The following TRPM4 variants were observed in gnomAD, a reference collection of about 807,000 sequenced individuals.
TRPM4 encodes the protein calcium-activated non-selective cation channel 1.
TRPM4 carries 124 observed loss-of-function variants against 135.6 expected under a neutral mutation model. The ratio of observed to expected loss-of-function variants is 0.91; its 90% CI spans 0.79 to 1.06. The LOEUF is 1.06. Ranked by LOEUF, TRPM4 falls within the 50% of genes least tolerant of loss-of-function variation. The pLI is 0.00. For synonymous variants in TRPM4, 745 were observed against 705.6 expected, an observed-to-expected ratio of 1.06 and a Z score of -0.88; for missense variants, 1,658 against 1,671.4, an observed-to-expected ratio of 0.99 and a Z score of 0.14.
Position 49,195,519 on chromosome 19 carries a change from C to T in TRPM4, c.2211-921C>T, listed in dbSNP as rs149060292. On this transcript the variant is annotated intron_variant, in intron 16 of 24. Transcript: ENST00000252826. ...TCAAGTAGCTGGGATTACAGGCATG[C>T]GCCACCACGCCAGGCTAATTTTGTA... Among the ~76,000 whole-genome samples, 622 of 152,116 alleles carry T rather than the reference C, an allele frequency of 4.1e-3. 2 individuals are homozygous for T. The highest frequency in any genetic ancestry group is 0.014 in the Middle Eastern group (4 of 294).
At position 49,200,110 on chromosome 19, in the gene TRPM4, A is replaced by C. The variant is rs73576319; in HGVS notation, c.2646-190A>C. Among the ~76,000 whole-genome samples, 596 of 152,320 alleles carry C rather than the reference A, an allele frequency of 3.9e-3. 6 individuals are homozygous for C. The highest frequency in any genetic ancestry group is 0.014 in the African/African-American group (573 of 41,558). ...ACTTAATAGGCGCAGCCATTTTAAA[A>C]ATGGGTGCCAGGGCCCTGCATGGAC... On this transcript the variant is annotated intron_variant, in intron 17 of 24. Transcript: ENST00000252826.
chr19:49,191,773 C>T (rs1403060893), intron 16 of TRPM4, among the ~76,000 whole-genome samples: 3 of 152,174 alleles, frequency 2.0e-5, no homozygotes, highest in Admixed American at 2.0e-4. Flanking sequence ...ACTGGGATTA[C>T]AGGCATGAGC....
chr19:49,192,796 A>G (rs1968459366), intron 16 of TRPM4, among the ~76,000 whole-genome samples: 1 of 152,162 alleles, frequency 6.6e-6, no homozygotes, highest in African/African-American at 2.4e-5. Context: ...TTACCTACCT[A>G]ACAAACCTGC....
At chr19:49,165,932 G>T in intron 2 of TRPM4, 109 bp from the exon 3 acceptor site, 1 of 1,137,434 alleles carries the variant, frequency 8.8e-7, no homozygotes, top group East Asian at 2.6e-5. Flanking sequence ...CTGCCTCTGT[G>T]GGTGTGGACT....
chr19:49,195,370 C>T (rs912443168), intron 16 of TRPM4, among the ~76,000 whole-genome samples: 1 of 152,020 alleles, frequency 6.6e-6, no homozygotes, highest in African/African-American at 2.4e-5. Flanking sequence ...TCTTCTTCTT[C>T]TTTATTTTTT....
chr19:49,204,749 C>T (rs567592280), intron 20 of TRPM4, among the ~76,000 whole-genome samples: 85 of 150,620 alleles, frequency 5.6e-4, no homozygotes, highest in African/African-American at 2.0e-3. Flanking sequence ...TTAGTAGAAA[C>T]GGGGTTTCAC....
chr19:49,158,311 C>T (rs1295757504), intron 2 of TRPM4, 52 bp downstream of exon 2: 10 of 1,565,368 alleles, frequency 6.4e-6, no homozygotes, highest in Non-Finnish European at 8.8e-6. Flanking sequence ...CCCGCTGACC[C>T]CGCCCGCGGA....
chr19:49,160,880 G>T (rs1158680162), intron 2 of TRPM4, among the ~76,000 whole-genome samples: 2 of 152,070 alleles, frequency 1.3e-5, no homozygotes, highest in African/African-American at 4.8e-5. Flanking sequence ...AAAGACTCAG[G>T]GGGCAGGAAG....
chr19:49,182,021 TATCC>T (rs960148868), intron 10 of TRPM4, among the ~76,000 whole-genome samples: 21 of 150,104 alleles, frequency 1.4e-4, no homozygotes, highest in African/African-American at 4.4e-4. Context: ...TCCATCTACT[TATCC>T]ATCCATCCAT....
chr19:49,195,493 G>A (rs1042243271), intron 16 of TRPM4, among the ~76,000 whole-genome samples: 4 of 151,742 alleles, frequency 2.6e-5, no homozygotes, highest in African/African-American at 4.8e-5. Flanking sequence ...GCATCAGCCT[G>A]TCAAGTAGCT....
In TRPM4 at chr19:49,210,732, C is replaced by G. The variant is rs1474124062; in HGVS notation, c.3351C>G (p.Ala1117=). 5 of 1,614,026 alleles carry G rather than the reference C, an allele frequency of 3.1e-6. No individual in the cohort carries two copies. Among genetic ancestry groups the G allele is most frequent in the South Asian group, 1.1e-5 (1 of 91,048 alleles). Residue 1117 remains alanine (A), a synonymous_variant, in exon 22 of 25, where the codon GCC becomes GCG. Coordinates refer to ENST00000252826, the MANE Select transcript of TRPM4 (RefSeq NM_017636.4). The surrounding 1 kb of genome is among the most constrained non-coding windows in gnomAD (Gnocchi z 4.1). ...CAGGGGTTTACCTTTCTAAGGAAGC[C>G]GAGCGGAAGCTGCTAACGTGGGAAT... The part of the protein sequence containing the change: ...EHFRVYLSKE[A]ERKLLTWESV...
intron 12 of TRPM4, among the ~76,000 whole-genome samples, chr19:49,183,874 T>C (rs1186839015): frequency 6.0e-5 from 9 of 149,682 alleles, no homozygotes; most frequent in African/African-American, 2.2e-4. Flanking sequence ...TCTGGGTTCA[T>C]GCCATTCTCC....
At position 49,210,289 on chromosome 19, in the gene TRPM4, C is replaced by G. The variant is rs755721924; in HGVS notation, c.3212C>G (p.Ser1071Cys). Residue 1071 changes from serine (S) to cysteine (C), a missense_variant, in exon 21 of 25, where the codon TCT becomes TGT. Physicochemically the swap from Ser to Cys is moderately radical, Grantham distance 112 (BLOSUM62 -1). Around this residue, in one of 3 missense-constraint regions of TRPM4, gnomAD observed 1,412 missense variants for 1,408.7 expected, o/e 1.00. Coordinates refer to ENST00000252826, the MANE Select transcript of TRPM4 (RefSeq NM_017636.4). The surrounding 1 kb of genome is among the most constrained non-coding windows in gnomAD (Gnocchi z 4.1). ...TACCGCCTCATCCGGGAATTCCACTCTCGGCCCGCGCTGGCCCCGCCCTTT... is the reference window on the plus strand; with the variant it reads ...TACCGCCTCATCCGGGAATTCCACTGTCGGCCCGCGCTGGCCCCGCCCTTT... ...QRYRLIREFHSRPALAPPFIV... is the reference protein window; with the variant it reads ...QRYRLIREFHCRPALAPPFIV... The G allele has an allele frequency of 3.1e-6, 5 of 1,614,254 alleles. No homozygotes were observed. Among genetic ancestry groups the G allele is most frequent in the Non-Finnish European group, 4.2e-6 (5 of 1,180,056 alleles).
chr19:49,180,124 A>G lies in TRPM4; in HGVS notation c.1151-1225A>G, dbSNP rs368255775. Among the ~76,000 whole-genome samples, 5 of 152,302 alleles carry G rather than the reference A, an allele frequency of 3.3e-5. No individual in the cohort carries two copies. The East Asian group carries it at 9.7e-4, about 29-fold the overall frequency. On this transcript the variant is annotated intron_variant, in intron 9 of 24. Coordinates refer to ENST00000252826, the MANE Select transcript of TRPM4 (RefSeq NM_017636.4). ...TGTGGTACCAGTTTTTGGAGCAACC[A>G]AAATGAGATGAATTTGTTTTGGAGA...
intron 19 of TRPM4, among the ~76,000 whole-genome samples, chr19:49,201,320 AGGAG>A (rs1454677326): frequency 6.6e-6 from 1 of 152,204 alleles, no homozygotes; most frequent in African/African-American, 2.4e-5. Flanking sequence ...GAACAAAGGA[AGGAG>A]GAAGTAACTT....
intron 2 of TRPM4, among the ~76,000 whole-genome samples, chr19:49,160,496 A>G (rs1600385972): frequency 6.6e-6 from 1 of 152,042 alleles, no homozygotes; most frequent in Non-Finnish European, 1.5e-5. Flanking sequence ...AAAAAAAAAA[A>G]AAAAGAAAGA....
At chr19:49,197,318 TTCTTTCTTTC>T (rs1361855817) in intron 17 of TRPM4, among the ~76,000 whole-genome samples, 1 of 107,180 alleles carries the variant, frequency 9.3e-6, no homozygotes, top group East Asian at 2.5e-4. Context: ...TTTTCTTTCT[TTCTTTCTTTC>T]TTTCTTTCTT....
chr19:49,201,878 G>A, intron 19 of TRPM4, 86 bp from the exon 20 acceptor site: 1 of 1,438,586 alleles, frequency 7.0e-7, no homozygotes, highest in Middle Eastern at 1.8e-4. Flanking sequence ...TGGGATTACA[G>A]GCGTGAGCCA....
At chr19:49,185,392 G>A (rs911669734) in intron 12 of TRPM4, among the ~76,000 whole-genome samples, 1 of 152,066 alleles carries the variant, frequency 6.6e-6, no homozygotes, top group African/African-American at 2.4e-5. Flanking sequence ...GGGTCTACCA[G>A]CCACATGCCA....
Sources: allele counts gnomAD v4.1 joint callset (sites outside exome capture counted in the v4.1 genomes callset), GRCh38; gene constraint gnomAD v4.1.1; regional missense constraint gnomAD v4.1.1; non-coding constraint Gnocchi (gnomAD v3.1); transcripts MANE v1.5; gene names NCBI Gene and HGNC (gene_info 2026-07-23, HGNC 2026-07-21).